IL1RAPL1: variants seen among roughly 807,000 people sequenced by gnomAD.
IL1RAPL1 encodes the protein interleukin 1 receptor accessory protein like 1, also known as interleukin-1 receptor accessory protein-like 1.
IL1RAPL1 carries 3 observed loss-of-function variants against 48.4 expected under a neutral mutation model. That is an observed-to-expected ratio of 0.06 (90% CI 0.03 to 0.16). The LOEUF is 0.16. Among genes scored for constraint, IL1RAPL1 ranks in the 10% least tolerant of loss-of-function variants. IL1RAPL1 has a pLI of 1.00. For synonymous variants in IL1RAPL1, 185 were observed against 187.7 expected (o/e 0.99, Z 0.12); for missense variants, 349 against 530.6 (o/e 0.66, Z 3.36).
intron 2 of IL1RAPL1, among the ~76,000 whole-genome samples, chrX:28,977,245 G>C (rs972048166): frequency 5.4e-5 from 6 of 112,111 alleles, no homozygotes; most frequent in African/African-American, 1.9e-4. Flanking sequence ...AAGAAAAAAG[G>C]TTTAATTGGT....
chrX:29,155,356 A>G (rs1195755126), intron 2 of IL1RAPL1, among the ~76,000 whole-genome samples: 2 of 111,821 alleles, frequency 1.8e-5, no homozygotes, highest in Non-Finnish European at 3.8e-5. Flanking sequence ...CAAACATTCT[A>G]TTGAGTTGAA....
rs894337284 is a variant in IL1RAPL1, at chrX:29,350,318, A to G, written c.363-45940A>G. ...GCCTGTTAATCATCTGCAGCTCGCTATGTAACCAAGTGGAGGTTCACCCTT... is the reference window on the plus strand; with the variant it reads ...GCCTGTTAATCATCTGCAGCTCGCTGTGTAACCAAGTGGAGGTTCACCCTT... On this transcript the variant is annotated intron_variant, in intron 3 of 10. Coordinates refer to ENST00000378993, the MANE Select transcript of IL1RAPL1 (RefSeq NM_014271.4). 1.2e-4 allele frequency among the ~76,000 whole-genome samples: 11 copies of G among 93,262 alleles called. No individual in the cohort carries two copies. The East Asian group carries it at 2.1e-3, about 18-fold the overall frequency. The allele number at this position is 93,262 out of a possible 115,157, so 81.0% of individuals were successfully genotyped here. A position where few individuals can be genotyped will look rare whatever the true frequency, so the allele number is the denominator to read the frequency against.
At chrX:29,816,017 G>T (rs1199996493) in intron 6 of IL1RAPL1, among the ~76,000 whole-genome samples, 2 of 110,706 alleles carry the variant, frequency 1.8e-5, no homozygotes, top group African/African-American at 6.6e-5. Flanking sequence ...AGAGGGACTA[G>T]AAAAACAAAA....
At chrX:29,716,047 C>G (rs1487213958) in intron 6 of IL1RAPL1, among the ~76,000 whole-genome samples, 2 of 111,403 alleles carry the variant, frequency 1.8e-5, no homozygotes, top group East Asian at 5.7e-4. Flanking sequence ...GGGACAGAGT[C>G]TCTGAGATGG....
chrX:28,701,421 A>T (rs1389943191), intron 1 of IL1RAPL1, among the ~76,000 whole-genome samples: 1 of 111,740 alleles, frequency 8.9e-6, no homozygotes, highest in East Asian at 2.8e-4. Flanking sequence ...GGGGGCAGTT[A>T]TTTTCCTGCC....
chrX:28,719,908 A>G (rs1315860877), intron 1 of IL1RAPL1, among the ~76,000 whole-genome samples: 1 of 110,967 alleles, frequency 9.0e-6, no homozygotes, highest in African/African-American at 3.3e-5. Flanking sequence ...CAAGAATAGC[A>G]TAACATTAGA....
intron 5 of IL1RAPL1, among the ~76,000 whole-genome samples, chrX:29,552,906 A>G (rs1301302681): frequency 4.0e-5 from 4 of 99,853 alleles, no homozygotes; most frequent in Admixed American, 2.4e-4. Context: ...TGATGAGCTC[A>G]TCAAAGGCAT....
chrX:28,637,741 G>A (rs1021074671), intron 1 of IL1RAPL1, among the ~76,000 whole-genome samples: 7 of 112,178 alleles, frequency 6.2e-5, no homozygotes, highest in Admixed American at 5.7e-4. Context: ...TTGTGTTTGC[G>A]TCCTACTGTT....
chrX:29,584,120 C>A (rs750931138), intron 5 of IL1RAPL1, among the ~76,000 whole-genome samples: 3 of 111,354 alleles, frequency 2.7e-5, no homozygotes, highest in South Asian at 7.6e-4. Flanking sequence ...CAGTCCATAT[C>A]CTTGGTTTGG....
At chrX:29,147,579 A>G (rs1275698822) in intron 2 of IL1RAPL1, among the ~76,000 whole-genome samples, 2 of 111,385 alleles carry the variant, frequency 1.8e-5, no homozygotes, top group Non-Finnish European at 3.8e-5. Context: ...TCCCATTTAT[A>G]CTAGTGATGG....
At chrX:29,833,061 G>A (rs1442615643) in intron 6 of IL1RAPL1, among the ~76,000 whole-genome samples, 1 of 111,549 alleles carries the variant, frequency 9.0e-6, no homozygotes, top group African/African-American at 3.3e-5. Flanking sequence ...AGTAAAAAAT[G>A]TGTATATTTG....
intron 2 of IL1RAPL1, among the ~76,000 whole-genome samples, chrX:28,790,902 A>G (rs1047845827): frequency 1.8e-5 from 2 of 111,843 alleles, no homozygotes; most frequent in Non-Finnish European, 3.8e-5. Context: ...TAATTTTTAC[A>G]ACACTGATGT....
intron 2 of IL1RAPL1, among the ~76,000 whole-genome samples, chrX:28,943,234 CTG>C (rs2147350072): frequency 9.4e-6 from 1 of 106,598 alleles, no homozygotes; most frequent in African/African-American, 3.4e-5. Context: ...CAAGTGGAAT[CTG>C]TGTTGAATGT....
At chrX:29,657,426 A>G (rs1221289299) in intron 5 of IL1RAPL1, among the ~76,000 whole-genome samples, 4 of 112,006 alleles carry the variant, frequency 3.6e-5, no homozygotes, top group Non-Finnish European at 7.5e-5. Flanking sequence ...TGTATCACAA[A>G]CAGAATACCA....
At chrX:28,824,265 AC>A (rs1936968621) in intron 2 of IL1RAPL1, among the ~76,000 whole-genome samples, 1 of 110,945 alleles carries the variant, frequency 9.0e-6, no homozygotes, top group African/African-American at 3.3e-5. Flanking sequence ...AACCTAAATT[AC>A]TTTTCAAAGT....
chrX:29,430,984 G>A (rs925444649), intron 5 of IL1RAPL1, among the ~76,000 whole-genome samples: 1 of 111,039 alleles, frequency 9.0e-6, no homozygotes, highest in Non-Finnish European at 1.9e-5. Flanking sequence ...AAATATCTGC[G>A]TGATCCATGT....
chrX:29,608,553 G>A (rs554086164), intron 5 of IL1RAPL1, among the ~76,000 whole-genome samples: 3 of 111,411 alleles, frequency 2.7e-5, no homozygotes, highest in Admixed American at 9.5e-5. Context: ...GAGGCCGGGC[G>A]CGGTGGCTTA....
At chrX:29,702,592 A>C (rs758892745) in intron 6 of IL1RAPL1, among the ~76,000 whole-genome samples, 3 of 111,725 alleles carry the variant, frequency 2.7e-5, no homozygotes, top group African/African-American at 9.8e-5. Context: ...ACAAAGGGAG[A>C]TCTCTGAGCT....
At chrX:28,664,863 G>A (rs781650320) in intron 1 of IL1RAPL1, among the ~76,000 whole-genome samples, 18 of 111,440 alleles carry the variant, frequency 1.6e-4, no homozygotes, top group Non-Finnish European at 3.4e-4. Context: ...CAACTTCCAG[G>A]GGCCTTTCAT....
Sources: allele counts gnomAD v4.1 joint callset (sites outside exome capture counted in the v4.1 genomes callset), GRCh38; gene constraint gnomAD v4.1.1; transcripts MANE v1.5; gene names NCBI Gene and HGNC (gene_info 2026-07-23, HGNC 2026-07-21).